Variants in MSR1 observed in about 807,000 individuals in gnomAD.
The protein encoded by MSR1 is macrophage scavenger receptor types I and II.
In MSR1, 53 loss-of-function variants were observed where a neutral mutation model predicts 47.2. The observed-to-expected ratio is 1.12, with a 90% CI of 0.90 to 1.41. The LOEUF is 1.41. MSR1 is among the 40% of genes most tolerant of loss of function. The probability of loss-of-function intolerance (pLI) is 0.00; values close to 1 mark genes in which losing one functional copy is unlikely to be tolerated. For synonymous variants in MSR1, 239 were observed against 185.6 expected (o/e 1.29, Z -2.34); for missense variants, 786 against 546.9 (o/e 1.44, Z -4.36).
intron 8 of MSR1, among the ~76,000 whole-genome samples, chr8:16,134,738 T>A (rs1467220716): frequency 4.6e-5 from 7 of 152,130 alleles, no homozygotes; most frequent in Admixed American, 4.6e-4. Context: ...AAGTATGAAA[T>A]TTACCTAAGT....
Position 16,144,352 on chromosome 8 carries a change from T to A in MSR1, c.980-741A>T, listed in dbSNP as rs140502998. On this transcript the variant is annotated intron_variant, in intron 7 of 9. Coordinates refer to ENST00000262101, the MANE Select transcript of MSR1 (RefSeq NM_138715.3). ...ATTGGTGCTGTTCCTGCTTATTGAG[T>A]TTTTTTTCCAACAGCCATGAGATAC... is the stretch of plus-strand genomic sequence containing the variant. Among the ~76,000 whole-genome samples the A allele has an allele frequency of 7.0e-3, 1,065 of 151,884 alleles. 18 individuals carry two copies. The highest frequency in any genetic ancestry group is 0.024 in the African/African-American group (978 of 41,408).
chr8:16,109,130 A>T lies in MSR1; in HGVS notation c.*955T>A, dbSNP rs1417097190. The T allele has an allele frequency of 6.6e-6, 1 of 150,570 alleles. No homozygotes were observed. Among genetic ancestry groups the T allele is most frequent in the Non-Finnish European group, 1.5e-5 (1 of 67,742 alleles). The allele number at this position is 150,570 out of a possible 1,614,324, so 9.3% of individuals were successfully genotyped here. A position where few individuals can be genotyped will look rare whatever the true frequency, so the allele number is the denominator to read the frequency against. On this transcript the variant is annotated 3_prime_UTR_variant, in exon 10 of 10. Transcript: ENST00000262101. ...GGTTGCTAAACTACTTTTTTGGGGC[A>T]TGCTCAGAGTTATTGTCCCTTTAGG...
intron 7 of MSR1, among the ~76,000 whole-genome samples, chr8:16,149,184 G>C (rs1162782659): frequency 2.0e-5 from 3 of 151,990 alleles, no homozygotes; most frequent in Non-Finnish European, 2.9e-5. Context: ...TATAGATTTT[G>C]GGTAATAATA....
chr8:16,150,145 T>C (rs1048892721), intron 7 of MSR1, 86 bp downstream of exon 7: 4 of 142,396 alleles, frequency 2.8e-5, no homozygotes, highest in Non-Finnish European at 3.7e-5. Flanking sequence ...TGTGTGTATA[T>C]ATATATATAT....
intron 1 of MSR1, among the ~76,000 whole-genome samples, chr8:16,190,347 T>C (rs907400152): frequency 2.6e-5 from 4 of 152,194 alleles, no homozygotes; most frequent in Admixed American, 6.5e-5. Flanking sequence ...AATTTATAAA[T>C]ATTCCAGACT....
chr8:16,180,494 T>C (rs73665251), intron 1 of MSR1, among the ~76,000 whole-genome samples: 14,331 of 152,210 alleles, frequency 0.094, 796 homozygotes, highest in Admixed American at 0.2. Flanking sequence ...AAGGTGATTA[T>C]GACTTCTTTT....
At chr8:16,169,614 T>C (rs2117185817) in intron 3 of MSR1, among the ~76,000 whole-genome samples, 1 of 152,288 alleles carries the variant, frequency 6.6e-6, no homozygotes, top group Non-Finnish European at 1.5e-5. Context: ...CTCTAGGATT[T>C]TGGTGTACGT....
Position 16,120,616 on chromosome 8 carries a change from TAAAAAA to T in MSR1, c.1034-16_1034-11del, listed in dbSNP as rs60866666. The T allele has an allele frequency of 3.1e-3, 3,745 of 1,192,814 alleles. 2 individuals are homozygous for T. The highest frequency in any genetic ancestry group is 4.2e-3 in the Middle Eastern group (13 of 3,104). 73.9% of individuals were successfully genotyped at this position (1,192,814 alleles called of 1,614,324 possible). On this transcript the variant is annotated splice_polypyrimidine_tract_variant and intron_variant, in intron 8 of 9. Transcript: ENST00000262101. ...ACTTTCGTAAATGGAGCTGTAAAGT[TAAAAAA>T]AAAAAAAAAAAAAAAAAAAGGCAAG...
chr8:16,112,727 T>C (rs189521302), intron 9 of MSR1, among the ~76,000 whole-genome samples: 3 of 151,920 alleles, frequency 2.0e-5, no homozygotes, highest in Non-Finnish European at 4.4e-5. Flanking sequence ...GTCACTGTTA[T>C]TATTTTTTTT....
At chr8:16,143,444 G>A in intron 8 of MSR1, 114 bp downstream of exon 8, 1 of 823,952 alleles carries the variant, frequency 1.2e-6, no homozygotes, top group South Asian at 1.5e-5. Context: ...CTTCCATAGA[G>A]TCTGTATGGA....
At position 16,162,416 on chromosome 8, in the gene MSR1, T is replaced by A. The variant is rs141995328; in HGVS notation, c.817+1649A>T. Among the ~76,000 whole-genome samples, 156 of 152,122 alleles carry A rather than the reference T, an allele frequency of 1.0e-3. 2 individuals are homozygous for A. The highest frequency in any genetic ancestry group is 3.7e-3 in the African/African-American group (153 of 41,540). On this transcript the variant is annotated intron_variant, in intron 5 of 9. Transcript: ENST00000262101. ...TATACTTCAGGCAGAAGGAAAATAA[T>A]CCCAGAAGAAATGCCCGAGGTGCTT... is the stretch of plus-strand genomic sequence containing the variant.
intron 9 of MSR1, among the ~76,000 whole-genome samples, chr8:16,117,781 G>A (rs1039904489): frequency 1.8e-4 from 28 of 152,078 alleles, no homozygotes; most frequent in African/African-American, 4.3e-4. Flanking sequence ...AGATGGGACC[G>A]TCTAGTTGCA....
intron 4 of MSR1, among the ~76,000 whole-genome samples, chr8:16,166,964 CACACAT>C (rs1038077658): frequency 1.1e-4 from 16 of 151,580 alleles, no homozygotes; most frequent in Admixed American, 2.0e-4. Context: ...CACACACACA[CACACAT>C]GCACGCACTG....
Position 16,131,441 on chromosome 8 carries a change from G to GTTTTTTTTTTT in MSR1, c.1034-10846_1034-10836dup, listed in dbSNP as rs56321577. ...TATGTATCTGTTTACTCTGTTGATA[G>GTTTTTTTTTTT]TTTTTTTTTTTTTTTTTTTTTTTTG... On this transcript the variant is annotated intron_variant, in intron 8 of 9. Transcript: ENST00000262101. Among the ~76,000 whole-genome samples, 3 of 54,660 alleles carry GTTTTTTTTTTT rather than the reference G, an allele frequency of 5.5e-5. 1 individual carries two copies. Among genetic ancestry groups the GTTTTTTTTTTT allele is most frequent in the African/African-American group, 2.4e-4 (3 of 12,270 alleles). 35.9% of individuals were successfully genotyped at this position (54,660 alleles called of 152,430 possible).
chr8:16,154,326 G>A (rs1800940322), intron 6 of MSR1, among the ~76,000 whole-genome samples: 1 of 151,270 alleles, frequency 6.6e-6, no homozygotes, highest in South Asian at 2.1e-4. Context: ...TTGATTTCAA[G>A]CCAAGGCTAA....
chr8:16,161,531 TACA>T (rs1435352174), intron 5 of MSR1, among the ~76,000 whole-genome samples: 1 of 151,992 alleles, frequency 6.6e-6, no homozygotes, highest in Non-Finnish European at 1.5e-5. Context: ...AGCTATAAAG[TACA>T]ACAATAATGA....
intron 3 of MSR1, among the ~76,000 whole-genome samples, chr8:16,170,339 T>C (rs112507989): frequency 0.085 from 10,165 of 119,704 alleles, 665 homozygotes; most frequent in East Asian, 0.43. Context: ...CAGAGTGAGA[T>C]TCCATCTCAA....
intron 1 of MSR1, among the ~76,000 whole-genome samples, chr8:16,185,604 C>A (rs1054518711): frequency 6.6e-6 from 1 of 152,112 alleles, no homozygotes; most frequent in Non-Finnish European, 1.5e-5. Flanking sequence ...AGACCCATAT[C>A]TGACTGCACA....
At position 16,169,414 on chromosome 8, in the gene MSR1, T is replaced by G. The variant is rs35639944; in HGVS notation, c.218-544A>C. ...GCTGCCAGAAAAGCGTCATTTTCAGTTAATACAGACCTAATTCACAGTTGG... is the reference window on the plus strand; with the variant it reads ...GCTGCCAGAAAAGCGTCATTTTCAGGTAATACAGACCTAATTCACAGTTGG... On this transcript the variant is annotated intron_variant, in intron 3 of 9. Transcript: ENST00000262101. Among the ~76,000 whole-genome samples the G allele has an allele frequency of 6.2e-3, 947 of 152,324 alleles. 11 individuals carry two copies. The highest frequency in any genetic ancestry group is 0.021 in the African/African-American group (863 of 41,566).
Sources: allele counts gnomAD v4.1 joint callset (sites outside exome capture counted in the v4.1 genomes callset), GRCh38; gene constraint gnomAD v4.1.1; transcripts MANE v1.5; gene names NCBI Gene and HGNC (gene_info 2026-07-23, HGNC 2026-07-21).